Variants in SCN11A observed in about 807,000 individuals in gnomAD.
The protein encoded by SCN11A is sodium channel protein type 11 subunit alpha.
In SCN11A, 122 loss-of-function variants were observed where a neutral mutation model predicts 162.2. The observed-to-expected ratio is 0.75, with a 90% CI of 0.65 to 0.87. The LOEUF is 0.87. SCN11A is among the 40% of genes least tolerant of loss of function. The pLI is 0.00. For synonymous variants in SCN11A, 758 were observed against 751.5 expected (o/e 1.01, Z -0.14); for missense variants, 2,015 against 2,181.6 (o/e 0.92, Z 1.52).
intron 16 of SCN11A, among the ~76,000 whole-genome samples, chr3:38,901,625 C>T (rs1315415609): frequency 1.3e-5 from 2 of 152,188 alleles, no homozygotes; most frequent in Admixed American, 6.5e-5. Context: ...CAGAACTCTA[C>T]AGAGTGGCTT....
intron 5 of SCN11A, 95 bp downstream of exon 5, chr3:38,950,001 C>G (rs780038195): frequency 4.5e-5 from 35 of 778,888 alleles, no homozygotes; most frequent in Non-Finnish European, 6.7e-5. Context: ...TGCTATAAAC[C>G]CTAAGAGTGG....
At chr3:38,974,902 C>T (rs940867959) in intron 2 of SCN11A, among the ~76,000 whole-genome samples, 4 of 150,686 alleles carry the variant, frequency 2.7e-5, no homozygotes, top group African/African-American at 9.8e-5. Flanking sequence ...ATTTTTAAAT[C>T]AATAACTACG....
At chr3:38,940,987 G>T (rs2066435174) in intron 7 of SCN11A, among the ~76,000 whole-genome samples, 1 of 152,176 alleles carries the variant, frequency 6.6e-6, no homozygotes, top group South Asian at 2.1e-4. Context: ...AACAAAAGGA[G>T]GCAGAAACTG....
rs79087801 is a variant in SCN11A, at chr3:38,947,170, G to A, written c.268-263C>T. ...ATTGTACTCCATGGTACGTATCAAC[G>A]GGGAAAGGGACTAGAAGAGAACTTG... On this transcript the variant is annotated intron_variant, in intron 5 of 29. Transcript: ENST00000302328. Among the ~76,000 whole-genome samples the A allele has an allele frequency of 5.3e-3, 811 of 152,282 alleles. 5 individuals carry two copies. Among genetic ancestry groups the A allele is most frequent in the African/African-American group, 0.019 (775 of 41,554 alleles).
intron 7 of SCN11A, among the ~76,000 whole-genome samples, chr3:38,928,794 G>C (rs1260053131): frequency 6.6e-6 from 1 of 152,162 alleles, no homozygotes; most frequent in Non-Finnish European, 1.5e-5. Flanking sequence ...AACAAGTGTT[G>C]ATGAAGATGT....
chr3:38,946,121 TA>T (rs2066512709), intron 6 of SCN11A, among the ~76,000 whole-genome samples: 1 of 152,206 alleles, frequency 6.6e-6, no homozygotes, highest in African/African-American at 2.4e-5. Context: ...CTTTACATTT[TA>T]AGACTGACAT....
chr3:38,967,283 A>G (rs2066788989), intron 2 of SCN11A, among the ~76,000 whole-genome samples: 1 of 152,200 alleles, frequency 6.6e-6, no homozygotes, highest in South Asian at 2.1e-4. Flanking sequence ...TGGAGAAGTG[A>G]CAATGTGTAA....
In SCN11A at chr3:38,996,750, T is replaced by C. The variant is rs986552188; in HGVS notation, c.-280+35630A>G. 3.3e-5 allele frequency among the ~76,000 whole-genome samples: 5 copies of C among 152,298 alleles called. No individual in the cohort carries two copies. In the South Asian group the frequency reaches 6.2e-4, roughly 19 times the overall value. ...TGGCAACAAATTCTTCCATGCCCTATAGTTGTGTAAATTTGCGGTTTCTCC... is the reference window on the plus strand; with the variant it reads ...TGGCAACAAATTCTTCCATGCCCTACAGTTGTGTAAATTTGCGGTTTCTCC... On this transcript the variant is annotated intron_variant, in intron 2 of 29. Transcript: ENST00000302328.
At chr3:38,925,964 A>C (rs1314584482) in intron 8 of SCN11A, among the ~76,000 whole-genome samples, 1 of 152,216 alleles carries the variant, frequency 6.6e-6, no homozygotes, top group African/African-American at 2.4e-5. Flanking sequence ...AAGAGCACAC[A>C]ATCTTTGAAC....
rs768568691 is a variant in SCN11A at position 38,847,300 on chromosome 3, G to T, written c.4770C>A (p.Ile1590=). ...ATSYFVSYII[I]SFLIVVNMYI... ...ACATGTTGACAACAATGAGAAAGGA[G>T]ATGATAATGTAACTGACAAAGTAGG... The change falls in exon 30 of 30, where the codon ATC becomes ATA. Residue 1590 remains isoleucine (I), a synonymous_variant. Coordinates refer to ENST00000302328, the MANE Select transcript of SCN11A (RefSeq NM_001349253.2). 5.6e-6 allele frequency: 9 copies of T among 1,614,192 alleles called. No individual in the cohort carries two copies. The highest frequency in any genetic ancestry group is 3.3e-5 in the South Asian group (3 of 91,082).
Position 38,894,663 on chromosome 3 carries a change from G to T in SCN11A, c.2705C>A (p.Ser902Tyr), listed in dbSNP as rs778817718. Residue 902 changes from serine (S) to tyrosine (Y), a missense_variant, in exon 19 of 30, where the codon TCT becomes TAT. Transcript: ENST00000302328. ...ETQEELGILT[S>Y]VPKTLGVRHD... ...CCTGACGCCCAGGGTCTTTGGTACA[G>T]AGGTTAGTATACCAAGCTCCTCCTG... 10 of 1,614,116 alleles carry T rather than the reference G, an allele frequency of 6.2e-6. No homozygotes were observed. The highest frequency in any genetic ancestry group is 8.5e-6 in the Non-Finnish European group (10 of 1,179,968).
chr3:38,858,360 A>G (rs1032964227), intron 28 of SCN11A, among the ~76,000 whole-genome samples: 5 of 152,190 alleles, frequency 3.3e-5, no homozygotes, highest in African/African-American at 1.2e-4. Context: ...AGTGAGCAAG[A>G]GTAGCTATTC....
rs527702662 is a variant in SCN11A at position 39,009,319 on chromosome 3, T to C, written c.-280+23061A>G. Among the ~76,000 whole-genome samples the C allele has an allele frequency of 9.3e-4, 141 of 152,080 alleles. 1 individual carries two copies. The highest frequency in any genetic ancestry group is 3.0e-3 in the African/African-American group (125 of 41,494). ...TGGTAAGTTTTAATTTCAAATATGA[T>C]AAATGTAGTGGATATGACCCATATA... On this transcript the variant is annotated intron_variant, in intron 2 of 29. Coordinates refer to ENST00000302328, the MANE Select transcript of SCN11A (RefSeq NM_001349253.2).
At chr3:38,925,263 G>A in intron 9 of SCN11A, 152 bp downstream of exon 9, 1 of 608,818 alleles carries the variant, frequency 1.6e-6, no homozygotes. Flanking sequence ...GGACATATTA[G>A]GTGCTCAATA....
At chr3:39,002,805 A>G (rs920701930) in intron 2 of SCN11A, among the ~76,000 whole-genome samples, 1 of 152,224 alleles carries the variant, frequency 6.6e-6, no homozygotes, top group Admixed American at 6.5e-5. Context: ...TCTGCCAAAG[A>G]GAAACATACT....
chr3:39,044,486 A>G (rs546421309), intron 1 of SCN11A, among the ~76,000 whole-genome samples: 2 of 152,314 alleles, frequency 1.3e-5, no homozygotes, highest in East Asian at 3.9e-4. Flanking sequence ...TCTGACTACA[A>G]TGAAATAAAA....
At chr3:38,881,353 G>T (rs2065306051) in intron 22 of SCN11A, among the ~76,000 whole-genome samples, 1 of 152,118 alleles carries the variant, frequency 6.6e-6, no homozygotes, top group Non-Finnish European at 1.5e-5. Flanking sequence ...GGAGGTCAGG[G>T]ACTTCGTTTG....
chr3:38,870,673 G>T lies in SCN11A; in HGVS notation c.3813+18C>A. ...ACTTGACCATAACACTCCAGAACATGGTAGAACACTGACTCACCTCTGTGG... is the reference window on the plus strand; with the variant it reads ...ACTTGACCATAACACTCCAGAACATTGTAGAACACTGACTCACCTCTGTGG... On this transcript the variant is annotated intron_variant, in intron 26 of 29. Transcript: ENST00000302328. The T allele has an allele frequency of 6.2e-7, 1 of 1,608,148 alleles. No individual in the cohort carries two copies. The highest frequency in any genetic ancestry group is 8.5e-7 in the Non-Finnish European group (1 of 1,174,682).
At chr3:38,869,848 T>C (rs2065097293) in intron 26 of SCN11A, among the ~76,000 whole-genome samples, 1 of 152,202 alleles carries the variant, frequency 6.6e-6, no homozygotes, top group African/African-American at 2.4e-5. Context: ...GTAAGTATTA[T>C]GCAAATATTC....
Sources: gnomAD v4.1 joint callset for allele counts (sites outside exome capture counted in the v4.1 genomes callset) on GRCh38, gnomAD v4.1.1 for gene constraint, MANE v1.5 for transcripts, NCBI Gene and HGNC (gene_info 2026-07-23, HGNC 2026-07-21) for gene names.